Variants in BNC2 observed in about 807,000 individuals in gnomAD.
The protein encoded by BNC2 is zinc finger protein basonuclin-2.
Under a neutral mutation model 76.3 loss-of-function variants are expected in BNC2, and 20 were observed. The observed-to-expected ratio is 0.26, with a 90% CI of 0.18 to 0.38. The LOEUF (loss-of-function observed/expected upper bound fraction) is 0.38, where lower values mean the gene tolerates loss of function less well. Among genes scored for constraint, BNC2 ranks in the 10% least tolerant of loss-of-function variants. The probability of loss-of-function intolerance (pLI) is 1.00; values close to 1 mark genes in which losing one functional copy is unlikely to be tolerated. For synonymous variants in BNC2, 582 were observed against 514.8 expected (o/e 1.13, Z -1.77); for missense variants, 1,382 against 1,399.8 (o/e 0.99, Z 0.20).
chr9:16,829,071 G>A (rs1818520250), intron 1 of BNC2, among the ~76,000 whole-genome samples: 1 of 152,118 alleles, frequency 6.6e-6, no homozygotes, highest in Non-Finnish European at 1.5e-5. Context: ...CTGGGGCCTG[G>A]GGCGGCCTGG....
rs34855187 is a variant in BNC2 at position 16,463,294 on chromosome 9, C to CTTTTTTTTT, written c.670-25779_670-25771dup. Among the ~76,000 whole-genome samples, 33 of 105,604 alleles carry CTTTTTTTTT rather than the reference C, an allele frequency of 3.1e-4. 2 individuals carry two copies. The highest frequency in any genetic ancestry group is 1.3e-3 in the African/African-American group (31 of 23,524). 69.3% of individuals were successfully genotyped at this position (105,604 alleles called of 152,430 possible). ...ACTGTGAGCATACAAGTATTAAATT[C>CTTTTTTTTT]TTTTTTTTTTTTTTTTTTTTGAGAC... On this transcript the variant is annotated intron_variant, in intron 5 of 6. Coordinates refer to ENST00000380672, the MANE Select transcript of BNC2 (RefSeq NM_017637.6).
At chr9:16,666,466 C>T (rs545648898) in intron 3 of BNC2, among the ~76,000 whole-genome samples, 1 of 152,294 alleles carries the variant, frequency 6.6e-6, no homozygotes, top group South Asian at 2.1e-4. Flanking sequence ...AAGAGAGAAA[C>T]AACAGCTTAA....
chr9:16,692,919 C>T (rs955999593), intron 3 of BNC2, among the ~76,000 whole-genome samples: 3 of 151,958 alleles, frequency 2.0e-5, no homozygotes, highest in Non-Finnish European at 4.4e-5. Context: ...TACCTGAGGT[C>T]AGGAATTCGA....
At chr9:16,516,814 T>A (rs1364037016) in intron 5 of BNC2, among the ~76,000 whole-genome samples, 1 of 152,240 alleles carries the variant, frequency 6.6e-6, no homozygotes, top group Non-Finnish European at 1.5e-5. Context: ...ATTAAAAGCA[T>A]CTCTTATGCT....
chr9:16,653,915 G>A (rs970968185), intron 3 of BNC2, among the ~76,000 whole-genome samples: 3 of 151,812 alleles, frequency 2.0e-5, no homozygotes, highest in African/African-American at 4.8e-5. Flanking sequence ...TTTGCTTTTC[G>A]CCTCCCCCAC....
intron 3 of BNC2, among the ~76,000 whole-genome samples, chr9:16,680,781 G>C (rs528858481): frequency 6.6e-6 from 1 of 151,586 alleles, no homozygotes; most frequent in Non-Finnish European, 1.5e-5. Context: ...GATGCAAAAG[G>C]CTTCTGTGCA....
chr9:16,665,386 A>AATAGAGAG (rs1554702315), intron 3 of BNC2, among the ~76,000 whole-genome samples: 1 of 84,302 alleles, frequency 1.2e-5, no homozygotes, highest in Non-Finnish European at 2.1e-5. Flanking sequence ...AAAAAAAAAA[A>AATAGAGAG]AGAGAGAGAG....
intron 3 of BNC2, among the ~76,000 whole-genome samples, chr9:16,591,407 G>A (rs1285353815): frequency 6.6e-6 from 1 of 152,068 alleles, no homozygotes; most frequent in African/African-American, 2.4e-5. Context: ...TACAGAACAT[G>A]GGTCAAAAGA....
chr9:16,670,094 T>C (rs1253459857), intron 3 of BNC2, among the ~76,000 whole-genome samples: 3 of 152,192 alleles, frequency 2.0e-5, no homozygotes, highest in East Asian at 1.9e-4. Flanking sequence ...TCCCACTGGG[T>C]ACTATTTTTA....
chr9:16,474,695 C>G (rs2131416246), intron 5 of BNC2, among the ~76,000 whole-genome samples: 1 of 152,068 alleles, frequency 6.6e-6, no homozygotes, highest in South Asian at 2.1e-4. Context: ...TAGAAAAACG[C>G]AAAGTGTTTT....
intron 5 of BNC2, among the ~76,000 whole-genome samples, chr9:16,453,719 AG>A (rs1159461616): frequency 6.6e-6 from 1 of 152,172 alleles, no homozygotes; most frequent in Non-Finnish European, 1.5e-5. Flanking sequence ...TATTCAGCTG[AG>A]GCAGGAGAAC....
intron 5 of BNC2, among the ~76,000 whole-genome samples, chr9:16,548,315 A>G (rs940892921): frequency 6.6e-6 from 1 of 152,180 alleles, no homozygotes; most frequent in Non-Finnish European, 1.5e-5. Context: ...GGGAAAGGAC[A>G]AAAGAGGGGG....
intron 2 of BNC2, among the ~76,000 whole-genome samples, chr9:16,729,547 T>G (rs562460674): frequency 1.5e-4 from 22 of 151,686 alleles, no homozygotes; most frequent in African/African-American, 5.4e-4. Context: ...TCTGTTAAAC[T>G]TCCCTCCAGT....
At chr9:16,836,771 G>A (rs1389271133) in intron 1 of BNC2, among the ~76,000 whole-genome samples, 1 of 150,982 alleles carries the variant, frequency 6.6e-6, no homozygotes, top group Middle Eastern at 3.2e-3. Flanking sequence ...TTTTTTTTCA[G>A]TTTTTGGTAG....
chr9:16,659,353 T>C lies in BNC2; in HGVS notation c.330+68444A>G, dbSNP rs983295877. ...TGCGGCGGGCACAGTGGCTCACGCG[T>C]AATCACAGCACTTTGGGGGGCCGAG... On this transcript the variant is annotated intron_variant, in intron 3 of 6. Coordinates refer to ENST00000380672, the MANE Select transcript of BNC2 (RefSeq NM_017637.6). 6.6e-5 allele frequency among the ~76,000 whole-genome samples: 10 copies of C among 152,210 alleles called. 1 individual carries two copies. The South Asian group carries it at 1.2e-3, about 19-fold the overall frequency.
intron 4 of BNC2, among the ~76,000 whole-genome samples, chr9:16,566,347 G>A (rs533146515): frequency 6.6e-6 from 1 of 152,250 alleles, no homozygotes; most frequent in African/African-American, 2.4e-5. Context: ...GTAAATGTAT[G>A]ATTCCACCAT....
chr9:16,586,986 A>G (rs1819790678), intron 3 of BNC2, among the ~76,000 whole-genome samples: 1 of 152,152 alleles, frequency 6.6e-6, no homozygotes, highest in African/African-American at 2.4e-5. Flanking sequence ...GATGTATTGA[A>G]TATCTTCCAT....
intron 5 of BNC2, among the ~76,000 whole-genome samples, chr9:16,544,809 CAAAAAAAA>C (rs60198484): frequency 1.2e-5 from 1 of 82,612 alleles, no homozygotes; most frequent in Non-Finnish European, 2.7e-5. Flanking sequence ...GACTCCACCT[CAAAAAAAA>C]AAAAAAAAGA....
chr9:16,521,721 T>A (rs1241741950), intron 5 of BNC2, among the ~76,000 whole-genome samples: 1 of 152,286 alleles, frequency 6.6e-6, no homozygotes, highest in South Asian at 2.1e-4. Flanking sequence ...CTACTAACAG[T>A]AGTCACCAAC....
Sources: gnomAD v4.1 joint callset for allele counts (sites outside exome capture counted in the v4.1 genomes callset) on GRCh38, gnomAD v4.1.1 for gene constraint, MANE v1.5 for transcripts, NCBI Gene and HGNC (gene_info 2026-07-23, HGNC 2026-07-21) for gene names.